GALNT14: variants seen among roughly 807,000 people sequenced by gnomAD.
GALNT14 encodes polypeptide N-acetylgalactosaminyltransferase 14, also known as UDP-GalNAc:polypeptide N-acetylgalactosaminyltransferase 14.
Under a neutral mutation model 77.5 loss-of-function variants are expected in GALNT14, and 60 were observed. The ratio of observed to expected loss-of-function variants is 0.77; its 90% CI spans 0.63 to 0.96. GALNT14 has a LOEUF of 0.96. GALNT14 is among the 40% of genes least tolerant of loss of function. The pLI, the probability that GALNT14 is intolerant of heterozygous loss-of-function variation, is 0.00. For missense variants in GALNT14, 710 were observed against 731.0 expected, an observed-to-expected ratio of 0.97 and a Z score of 0.33; for synonymous variants, 280 against 281.7, an observed-to-expected ratio of 0.99 and a Z score of 0.06.
intron 9 of GALNT14, among the ~76,000 whole-genome samples, chr2:30,939,978 C>T (rs982989305): frequency 6.9e-6 from 1 of 145,652 alleles, no homozygotes; most frequent in Non-Finnish European, 1.5e-5. Flanking sequence ...AAAAGCACTG[C>T]ATTTTCTGGC....
chr2:31,099,234 G>A (rs1323035812), intron 1 of GALNT14, among the ~76,000 whole-genome samples: 1 of 151,836 alleles, frequency 6.6e-6, no homozygotes, highest in Non-Finnish European at 1.5e-5. Flanking sequence ...ACAAATTTAG[G>A]TCTATTCATA....
chr2:30,978,786 A>T (rs1174082994), intron 2 of GALNT14, among the ~76,000 whole-genome samples: 1 of 152,176 alleles, frequency 6.6e-6, no homozygotes, highest in Non-Finnish European at 1.5e-5. Context: ...GGCTCAGGAG[A>T]TGCAAAGATA....
At chr2:31,076,161 C>T (rs1014993183) in intron 1 of GALNT14, among the ~76,000 whole-genome samples, 1 of 152,104 alleles carries the variant, frequency 6.6e-6, no homozygotes, top group Non-Finnish European at 1.5e-5. Context: ...ATGATGCTGC[C>T]CACAAATATT....
chr2:31,133,907 T>C (rs143912921), intron 1 of GALNT14, among the ~76,000 whole-genome samples: 1,636 of 152,278 alleles, frequency 0.011, 19 homozygotes, highest in South Asian at 0.042. Flanking sequence ...TTTAAAGAAC[T>C]CTTTACTTGA....
intron 1 of GALNT14, among the ~76,000 whole-genome samples, chr2:31,092,258 C>T (rs966030035): frequency 2.6e-5 from 3 of 116,800 alleles, no homozygotes; most frequent in African/African-American, 1.1e-4. Context: ...TTAATAAACT[C>T]CCCTTCATAT....
At chr2:31,085,807 A>C (rs1676399974) in intron 1 of GALNT14, among the ~76,000 whole-genome samples, 1 of 152,244 alleles carries the variant, frequency 6.6e-6, no homozygotes, top group African/African-American at 2.4e-5. Flanking sequence ...GCTATGAAGA[A>C]ATACCAGACA....
At chr2:30,929,242 G>T (rs557727698) in intron 11 of GALNT14, among the ~76,000 whole-genome samples, 153 bp downstream of exon 11, 3 of 152,336 alleles carry the variant, frequency 2.0e-5, no homozygotes, top group Admixed American at 6.5e-5. Context: ...AGCTGGGCAG[G>T]AGCTCTGAGG....
At chr2:30,997,039 CA>C (rs1670079705) in intron 1 of GALNT14, among the ~76,000 whole-genome samples, 13 of 152,216 alleles carry the variant, frequency 8.5e-5, no homozygotes, top group Admixed American at 8.5e-4. Flanking sequence ...CGTATATCAT[CA>C]TGCAATCCTC....
chr2:31,066,260 T>C (rs968241384), intron 1 of GALNT14, among the ~76,000 whole-genome samples: 2 of 152,126 alleles, frequency 1.3e-5, no homozygotes, highest in African/African-American at 2.4e-5. Flanking sequence ...GGCATTACCA[T>C]TAAGGGAGAC....
intron 1 of GALNT14, among the ~76,000 whole-genome samples, chr2:31,064,885 A>G (rs1335291949): frequency 6.6e-6 from 1 of 151,850 alleles, no homozygotes; most frequent in African/African-American, 2.4e-5. Flanking sequence ...GTCTGTATTG[A>G]TCTCCAGAAT....
chr2:30,892,666 C>T, the GALNT14 span, among the ~76,000 whole-genome samples: 1 of 152,206 alleles, frequency 6.6e-6, no homozygotes, highest in Non-Finnish European at 1.5e-5. Flanking sequence ...AAGGTTTGGG[C>T]TCCCTAAGCT....
the GALNT14 span, among the ~76,000 whole-genome samples, chr2:30,902,606 T>C: frequency 1.3e-5 from 2 of 152,144 alleles, no homozygotes; most frequent in East Asian, 3.9e-4. Flanking sequence ...TTTGGGTGTT[T>C]GAGAAACACC....
At chr2:31,048,702 G>A (rs1430185631) in intron 1 of GALNT14, among the ~76,000 whole-genome samples, 1 of 150,264 alleles carries the variant, frequency 6.7e-6, no homozygotes, top group African/African-American at 2.4e-5. Flanking sequence ...TCAGAACCAC[G>A]TCTCACTTCT....
chr2:30,962,933 A>T (rs2148334603), intron 3 of GALNT14, among the ~76,000 whole-genome samples: 2 of 152,280 alleles, frequency 1.3e-5, no homozygotes, highest in East Asian at 3.9e-4. Context: ...GAGGTATAGA[A>T]TCTTAAGGCA....
At chr2:31,070,061 C>T (rs1205661207) in intron 1 of GALNT14, among the ~76,000 whole-genome samples, 3 of 152,164 alleles carry the variant, frequency 2.0e-5, no homozygotes, top group Non-Finnish European at 2.9e-5. Flanking sequence ...GGAGCATCCT[C>T]CAAGTACCTC....
chr2:30,897,714 C>G, the GALNT14 span, among the ~76,000 whole-genome samples: 3 of 152,192 alleles, frequency 2.0e-5, no homozygotes, highest in Non-Finnish European at 2.9e-5. Flanking sequence ...GGCCGGGACC[C>G]GTTTCCTGTG....
intron 2 of GALNT14, among the ~76,000 whole-genome samples, chr2:30,984,498 A>G (rs757561805): frequency 3.9e-5 from 6 of 152,172 alleles, no homozygotes; most frequent in African/African-American, 9.7e-5. Flanking sequence ...TTTACTGAAT[A>G]AACTCTAATC....
At chr2:30,992,141 A>G (rs936167028) in intron 2 of GALNT14, among the ~76,000 whole-genome samples, 1 of 152,168 alleles carries the variant, frequency 6.6e-6, no homozygotes, top group South Asian at 2.1e-4. Flanking sequence ...AGGTCTTACC[A>G]GGGAGCATAA....
chr2:30,945,634 G>C (rs1666646929), intron 7 of GALNT14, 149 bp downstream of exon 7: 1 of 668,714 alleles, frequency 1.5e-6, no homozygotes, highest in African/African-American at 1.8e-5. Flanking sequence ...CTGGTGGTAA[G>C]GGCCAAGCTA....
Sources: allele counts gnomAD v4.1 joint callset (sites outside exome capture counted in the v4.1 genomes callset), GRCh38; gene constraint gnomAD v4.1.1; transcripts MANE v1.5; gene names NCBI Gene and HGNC (gene_info 2026-07-23, HGNC 2026-07-21).